The following RORA variants were observed in gnomAD, a reference collection of about 807,000 sequenced individuals.
The protein encoded by RORA is nuclear receptor ROR-alpha.
A neutral mutation model predicts 69.5 loss-of-function variants in RORA; 7 were observed. The observed-to-expected ratio is 0.10, with a 90% CI of 0.06 to 0.19. The LOEUF (loss-of-function observed/expected upper bound fraction) is 0.19, where lower values mean the gene tolerates loss of function less well. Ranked by LOEUF, RORA falls within the 10% of genes least tolerant of loss-of-function variation. RORA has a pLI of 1.00. For missense variants in RORA, 457 were observed against 663.0 expected, an observed-to-expected ratio of 0.69 and a Z score of 3.41; for synonymous variants, 261 against 240.8, an observed-to-expected ratio of 1.08 and a Z score of -0.78.
intron 2 of RORA, chr15:60,592,644 GGCGGGA>G: frequency 8.8e-7 from 1 of 1,130,106 alleles, no homozygotes; most frequent in Non-Finnish European, 1.1e-6. Context: ...GGAGGCGGGA[GGCGGGA>G]GGCGGGAGGC....
chr15:60,542,743 G>GGCACACGGGCACACCTCCC, intron 2 of RORA, among the ~76,000 whole-genome samples: 1 of 143,224 alleles, frequency 7.0e-6, no homozygotes, highest in African/African-American at 3.0e-5. Context: ...CACCTCAAAC[G>GGCACACGGGCACACCTCCC]ACACACGGGC....
At chr15:61,049,946 A>AC in intron 1 of RORA, among the ~76,000 whole-genome samples, 1 of 152,334 alleles carries the variant, frequency 6.6e-6, no homozygotes, top group East Asian at 1.9e-4. Flanking sequence ...GGTGTGAGCC[A>AC]CGGCACTCGG....
chr15:60,558,560 C>T (rs555784645), intron 2 of RORA, among the ~76,000 whole-genome samples: 6 of 152,196 alleles, frequency 3.9e-5, no homozygotes, highest in East Asian at 1.9e-4. Flanking sequence ...ATAGTAATTT[C>T]GATTCAGTAA....
At chr15:60,792,561 G>C (rs2072432998) in intron 1 of RORA, among the ~76,000 whole-genome samples, 1 of 152,178 alleles carries the variant, frequency 6.6e-6, no homozygotes, top group African/African-American at 2.4e-5. Context: ...AAAGCAGCCA[G>C]AGACCTACAG....
At chr15:60,648,120 C>G (rs781630999) in intron 2 of RORA, among the ~76,000 whole-genome samples, 6 of 152,260 alleles carry the variant, frequency 3.9e-5, no homozygotes, top group African/African-American at 7.2e-5. Flanking sequence ...CTTTAGAAAG[C>G]ATGACGGTGT....
At chr15:60,938,445 G>A (rs1892592701) in intron 1 of RORA, among the ~76,000 whole-genome samples, 1 of 152,220 alleles carries the variant, frequency 6.6e-6, no homozygotes, top group African/African-American at 2.4e-5. Context: ...GTGGTGGCCA[G>A]TTTAGTTGCC....
At chr15:60,716,216 C>T (rs2071217243) in intron 1 of RORA, among the ~76,000 whole-genome samples, 1 of 152,204 alleles carries the variant, frequency 6.6e-6, no homozygotes, top group Admixed American at 6.5e-5. Flanking sequence ...GCCCACTTAA[C>T]ACTGTTCTCT....
chr15:60,559,908 G>A (rs1480368031), intron 2 of RORA, among the ~76,000 whole-genome samples: 1 of 151,986 alleles, frequency 6.6e-6, no homozygotes, highest in Non-Finnish European at 1.5e-5. Flanking sequence ...TTTAGCCACT[G>A]TTTTTTTTCC....
intron 2 of RORA, among the ~76,000 whole-genome samples, chr15:60,568,346 A>T (rs1432655279): frequency 6.6e-6 from 1 of 152,216 alleles, no homozygotes; most frequent in African/African-American, 2.4e-5. Flanking sequence ...GTCCTCTCCT[A>T]CCTGGGAGAA....
At chr15:60,508,847 T>C (rs919848173) in intron 5 of RORA, among the ~76,000 whole-genome samples, 2 of 152,212 alleles carry the variant, frequency 1.3e-5, no homozygotes, top group African/African-American at 4.8e-5. Context: ...ACAAACCTAA[T>C]TTGCACTTAA....
chr15:60,655,496 G>C (rs1281805179), intron 2 of RORA, among the ~76,000 whole-genome samples: 2 of 152,174 alleles, frequency 1.3e-5, no homozygotes, highest in Admixed American at 1.3e-4. Flanking sequence ...AAGCAGGAAG[G>C]AGAGGCAGTG....
intron 1 of RORA, among the ~76,000 whole-genome samples, chr15:60,822,613 G>A (rs1341001472): frequency 6.6e-6 from 1 of 152,254 alleles, no homozygotes; most frequent in Non-Finnish European, 1.5e-5. Flanking sequence ...GAGGCTGACT[G>A]TTGAGTGTGT....
Position 60,859,474 on chromosome 15 carries a change from CT to C in RORA, c.167-180789del, listed in dbSNP as rs3053901. 4.8e-3 allele frequency among the ~76,000 whole-genome samples: 646 copies of C among 135,412 alleles called. 2 individuals are homozygous for C. The highest frequency in any genetic ancestry group is 0.012 in the African/African-American group (452 of 36,970). The allele number at this position is 135,412 out of a possible 152,430, so 88.8% of individuals were successfully genotyped here. A position where few individuals can be genotyped will look rare whatever the true frequency, so the allele number is the denominator to read the frequency against. ...CTTACTGAATCTGAATTTTCTTTGC[CT>C]TTTTTTTTTTTTTTTTTGAGACAGG... On this transcript the variant is annotated intron_variant, in intron 1 of 10. Transcript: ENST00000335670.
At chr15:60,573,090 G>T (rs141566228) in intron 2 of RORA, among the ~76,000 whole-genome samples, 3 of 152,178 alleles carry the variant, frequency 2.0e-5, no homozygotes, top group Admixed American at 2.0e-4. Context: ...TTAAGCATTC[G>T]CTTGTAGCAC....
intron 2 of RORA, among the ~76,000 whole-genome samples, chr15:60,626,326 A>G (rs2069579625): frequency 6.6e-6 from 1 of 152,164 alleles, no homozygotes; most frequent in Non-Finnish European, 1.5e-5. Flanking sequence ...TGTGTCAAAC[A>G]TATTTCATAG....
At chr15:61,185,174 G>A (rs888419596) in intron 1 of RORA, among the ~76,000 whole-genome samples, 6 of 152,090 alleles carry the variant, frequency 3.9e-5, no homozygotes, top group African/African-American at 1.4e-4. Context: ...AGAGCTCATG[G>A]TTTGGATGTG....
chr15:60,898,448 A>G (rs576912712), intron 1 of RORA, among the ~76,000 whole-genome samples: 32 of 152,210 alleles, frequency 2.1e-4, no homozygotes, highest in African/African-American at 7.5e-4. Flanking sequence ...AGGCTAAGGC[A>G]GGAAGATCGC....
intron 1 of RORA, among the ~76,000 whole-genome samples, chr15:60,747,048 C>T (rs946060684): frequency 2.0e-5 from 3 of 152,184 alleles, no homozygotes; most frequent in African/African-American, 7.2e-5. Flanking sequence ...CCTTTTGTTC[C>T]TCTTAACCCC....
Position 61,196,978 on chromosome 15 carries a change from A to G in RORA, c.166+32075T>C, listed in dbSNP as rs2140921869. 2.0e-5 allele frequency among the ~76,000 whole-genome samples: 3 copies of G among 152,366 alleles called. No homozygotes were observed. The South Asian group carries it at 6.2e-4, about 32-fold the overall frequency. On this transcript the variant is annotated intron_variant, in intron 1 of 10. Transcript: ENST00000335670. Reference sequence around the variant, plus strand: ...AAATTTAACTCTGCAGGTTTAAGGCAGAGCTTGCTTGCCAGAGCAGAACTT... The same window carrying G: ...AAATTTAACTCTGCAGGTTTAAGGCGGAGCTTGCTTGCCAGAGCAGAACTT...
Sources: gnomAD v4.1 joint callset for allele counts (sites outside exome capture counted in the v4.1 genomes callset) on GRCh38, gnomAD v4.1.1 for gene constraint, MANE v1.5 for transcripts, NCBI Gene and HGNC (gene_info 2026-07-23, HGNC 2026-07-21) for gene names.